The following ACTR3B variants were observed in gnomAD, a reference collection of about 807,000 sequenced individuals.
ACTR3B encodes actin related protein 3B.
ACTR3B carries 8 observed loss-of-function variants against 59.0 expected under a neutral mutation model. The ratio of observed to expected loss-of-function variants is 0.14; its 90% CI spans 0.08 to 0.24. The LOEUF (loss-of-function observed/expected upper bound fraction) is 0.24. ACTR3B is among the 10% of genes least tolerant of loss of function. The pLI is 1.00. For missense variants in ACTR3B, 245 were observed against 552.3 expected (o/e 0.44, Z 5.58); for synonymous variants, 148 against 197.9 (o/e 0.75, Z 2.12).
At chr7:152,853,023 C>G (rs1798949366) in intron 10 of ACTR3B, among the ~76,000 whole-genome samples, 2 of 152,074 alleles carry the variant, frequency 1.3e-5, no homozygotes, top group Non-Finnish European at 2.9e-5. Context: ...GATCTCCTGA[C>G]CTTGTGATCC....
At chr7:152,797,877 A>T (rs1431498269) in intron 2 of ACTR3B, among the ~76,000 whole-genome samples, 1 of 151,526 alleles carries the variant, frequency 6.6e-6, no homozygotes, top group African/African-American at 2.4e-5. Flanking sequence ...TTTTTTTTTT[A>T]AATGGCTGAA....
chr7:152,784,879 TC>T (rs2098166512), intron 2 of ACTR3B, among the ~76,000 whole-genome samples: 1 of 151,984 alleles, frequency 6.6e-6, no homozygotes, highest in Non-Finnish European at 1.5e-5. Context: ...AAAAGTTTCA[TC>T]TCCAAATACA....
intron 9 of ACTR3B, among the ~76,000 whole-genome samples, chr7:152,834,184 G>A (rs1797256466): frequency 1.4e-5 from 2 of 147,852 alleles, no homozygotes; most frequent in Non-Finnish European, 3.0e-5. Context: ...CAGAGTTTTC[G>A]CTCTTGTCGC....
chr7:152,796,860 G>GTTTTTTTTGT (rs2098218297), intron 2 of ACTR3B, among the ~76,000 whole-genome samples: 1 of 54,738 alleles, frequency 1.8e-5, no homozygotes, highest in African/African-American at 6.9e-5. Flanking sequence ...TAGTTTTTGT[G>GTTTTTTTTGT]TTTTTTTTTT....
chr7:152,800,307 T>A (rs1490186894), intron 2 of ACTR3B, among the ~76,000 whole-genome samples: 5 of 152,296 alleles, frequency 3.3e-5, no homozygotes, highest in African/African-American at 1.2e-4. Flanking sequence ...GTAGAGCAGC[T>A]CATTTCCTTT....
chr7:152,794,306 C>T (rs2098208108), intron 2 of ACTR3B, among the ~76,000 whole-genome samples: 1 of 152,170 alleles, frequency 6.6e-6, no homozygotes, highest in South Asian at 2.1e-4. Context: ...CAACCTCCAC[C>T]TCCTGGGTTC....
At chr7:152,836,292 C>A (rs1317046824) in intron 9 of ACTR3B, among the ~76,000 whole-genome samples, 1 of 152,014 alleles carries the variant, frequency 6.6e-6, no homozygotes, top group Non-Finnish European at 1.5e-5. Flanking sequence ...AGTTCAGAAT[C>A]TGATTTTAGG....
intron 1 of ACTR3B, among the ~76,000 whole-genome samples, chr7:152,761,337 A>C (rs2098088724): frequency 6.6e-6 from 1 of 152,104 alleles, no homozygotes; most frequent in Admixed American, 6.6e-5. Flanking sequence ...GAGTGAAACC[A>C]GTGGGTGAAA....
intron 2 of ACTR3B, among the ~76,000 whole-genome samples, chr7:152,789,217 C>G (rs2098186411): frequency 6.6e-6 from 1 of 150,656 alleles, no homozygotes; most frequent in Non-Finnish European, 1.5e-5. Flanking sequence ...TAGTGAGAAC[C>G]TGTCTCTACC....
At chr7:152,762,976 T>G (rs1042336944) in intron 1 of ACTR3B, among the ~76,000 whole-genome samples, 1 of 152,214 alleles carries the variant, frequency 6.6e-6, no homozygotes, top group African/African-American at 2.4e-5. Flanking sequence ...GAGGGTGATG[T>G]CCACGAGGTT....
intron 4 of ACTR3B, among the ~76,000 whole-genome samples, chr7:152,810,410 T>G (rs1795118466): frequency 8.0e-6 from 1 of 124,882 alleles, no homozygotes; most frequent in Admixed American, 8.5e-5. Context: ...CCCAGCCTGT[T>G]TTTTTTTTTT....
At chr7:152,783,915 C>A (rs1011936892) in intron 2 of ACTR3B, among the ~76,000 whole-genome samples, 2 of 151,904 alleles carry the variant, frequency 1.3e-5, no homozygotes, top group African/African-American at 2.4e-5. Flanking sequence ...CATGTTGGAA[C>A]CCCGTCTCTA....
intron 1 of ACTR3B, 95 bp downstream of exon 1, chr7:152,760,021 C>T (rs2098084187): frequency 1.7e-6 from 2 of 1,157,370 alleles, no homozygotes; most frequent in South Asian, 2.8e-5. Context: ...CGTCCGTCGC[C>T]CCGGGCTTGA....
intron 2 of ACTR3B, among the ~76,000 whole-genome samples, chr7:152,799,071 C>A (rs2969820): frequency 6.6e-6 from 1 of 152,138 alleles, no homozygotes; most frequent in Non-Finnish European, 1.5e-5. Flanking sequence ...GACTCTGTAC[C>A]TCACTTTGGG....
chr7:152,764,745 G>C (rs2098102758), intron 1 of ACTR3B, among the ~76,000 whole-genome samples: 1 of 152,116 alleles, frequency 6.6e-6, no homozygotes, highest in South Asian at 2.1e-4. Flanking sequence ...CTGGGTCAAA[G>C]GGCAAATGCA....
In ACTR3B at chr7:152,759,893, C is replaced by A; in HGVS notation, c.11C>A (p.Ser4Tyr). The change falls in exon 1 of 12, where the codon TCC becomes TAC. Residue 4 changes from serine to tyrosine, a missense_variant. By Grantham distance (144) the Ser-to-Tyr change is moderately radical. Transcript: ENST00000256001. ...CCGCGCGTCCCGAGCATGGCAGGCT[C>A]CCTGCCTCCCTGCGTGGTGGACTGT... Reference protein sequence around the residue: MAGSLPPCVVDCGT... With the variant: MAGYLPPCVVDCGT... 1 of 1,373,866 alleles carries A rather than the reference C, an allele frequency of 7.3e-7. No homozygotes were observed. Among genetic ancestry groups the A allele is most frequent in the Non-Finnish European group, 9.5e-7 (1 of 1,054,152 alleles). 85.1% of individuals were successfully genotyped at this position (1,373,866 alleles called of 1,614,324 possible).
At chr7:152,803,928 G>C (rs545801711) in intron 4 of ACTR3B, among the ~76,000 whole-genome samples, 2 of 152,114 alleles carry the variant, frequency 1.3e-5, no homozygotes, top group Non-Finnish European at 2.9e-5. Context: ...GTCCTTAACC[G>C]TATGTTAATG....
At chr7:152,793,427 T>G (rs1434072542) in intron 2 of ACTR3B, among the ~76,000 whole-genome samples, 4 of 132,528 alleles carry the variant, frequency 3.0e-5, no homozygotes, top group Non-Finnish European at 4.7e-5. Flanking sequence ...CTTTCCTCTG[T>G]CCTTTTCTTC....
chr7:152,797,434 C>T (rs1446188322), intron 2 of ACTR3B, among the ~76,000 whole-genome samples: 20 of 151,998 alleles, frequency 1.3e-4, no homozygotes, highest in Non-Finnish European at 2.1e-4. Context: ...GTGTTTTTAT[C>T]GTGTATAATA....
Sources: gnomAD v4.1 joint callset for allele counts (sites outside exome capture counted in the v4.1 genomes callset) on GRCh38, gnomAD v4.1.1 for gene constraint, MANE v1.5 for transcripts, NCBI Gene and HGNC (gene_info 2026-07-23, HGNC 2026-07-21) for gene names.